The following PRORP variants were observed in gnomAD, a reference collection of about 807,000 sequenced individuals.
PRORP encodes mitochondrial ribonuclease P catalytic subunit.
In PRORP, 51 loss-of-function variants were observed where a neutral mutation model predicts 59.4. That is an observed-to-expected ratio of 0.86 (90% CI 0.69 to 1.08). The LOEUF (loss-of-function observed/expected upper bound fraction) is 1.08, where lower values mean the gene tolerates loss of function less well. Among genes scored for constraint, PRORP ranks in the 50% least tolerant of loss-of-function variants. PRORP has a pLI of 0.00. For synonymous variants in PRORP, 231 were observed against 245.6 expected (o/e 0.94, Z 0.55); for missense variants, 646 against 690.3 (o/e 0.94, Z 0.72).
At chr14:35,169,005 C>A (rs1235483778) in intron 4 of PRORP, among the ~76,000 whole-genome samples, 1 of 149,986 alleles carries the variant, frequency 6.7e-6, no homozygotes, top group Non-Finnish European at 1.5e-5. Context: ...TATTATTATT[C>A]TACTTTCTTT....
intron 4 of PRORP, chr14:35,158,614 G>C (rs1197143227): frequency 8.7e-6 from 3 of 346,378 alleles, no homozygotes; most frequent in South Asian, 3.2e-5. Flanking sequence ...CCGGCACCCT[G>C]TTATCAGGCA....
chr14:35,240,804 A>G (rs530890000), intron 5 of PRORP, among the ~76,000 whole-genome samples: 7 of 152,286 alleles, frequency 4.6e-5, no homozygotes, highest in African/African-American at 1.2e-4. Flanking sequence ...GCATTATCCA[A>G]TATGGTAGCT....
chr14:35,190,333 G>GGTT (rs1223952278), intron 5 of PRORP, among the ~76,000 whole-genome samples: 1 of 151,624 alleles, frequency 6.6e-6, no homozygotes, highest in African/African-American at 2.4e-5. Flanking sequence ...AGGAGGCAGA[G>GGTT]GTTGCAGTGA....
At chr14:35,127,235 A>G (rs78537249) in intron 3 of PRORP, among the ~76,000 whole-genome samples, 1 of 152,062 alleles carries the variant, frequency 6.6e-6, no homozygotes, top group Non-Finnish European at 1.5e-5. Context: ...CACTAAAAAT[A>G]CAAGACCCTG....
intron 5 of PRORP, among the ~76,000 whole-genome samples, chr14:35,260,943 C>T (rs1404549666): frequency 6.6e-6 from 1 of 152,174 alleles, no homozygotes; most frequent in Non-Finnish European, 1.5e-5. Context: ...CTTGACCTCC[C>T]AAAGTGCTAG....
At chr14:35,203,085 G>T (rs2049198515) in intron 5 of PRORP, among the ~76,000 whole-genome samples, 1 of 151,996 alleles carries the variant, frequency 6.6e-6, no homozygotes, top group African/African-American at 2.4e-5. Flanking sequence ...AAATAATAAA[G>T]GTTTATTTTT....
At chr14:35,183,754 G>A (rs1172679154) in intron 5 of PRORP, among the ~76,000 whole-genome samples, 3 of 152,134 alleles carry the variant, frequency 2.0e-5, no homozygotes, top group Non-Finnish European at 4.4e-5. Context: ...CTTATTACAT[G>A]ATTGTTTCAG....
At position 35,123,979 on chromosome 14, in the gene PRORP, AGAACTATAAT is replaced by A; in HGVS notation, c.737_746del (p.Asn246ThrfsTer12). ...AAAAAAGTTATAACTCCTTCAAAAAAGAACTATAATGACTGTATCCAGGGAGCTCTCCTTC... is the reference window on the plus strand; with the variant it reads ...AAAAAAGTTATAACTCCTTCAAAAAAGACTGTATCCAGGGAGCTCTCCTTC... On this transcript the variant is annotated frameshift_variant, in exon 2 of 8. Transcript: ENST00000534898. LOFTEE classifies it high-confidence loss of function. 1 of 1,614,198 alleles carries A rather than the reference AGAACTATAAT, an allele frequency of 6.2e-7. No individual in the cohort carries two copies. The highest frequency in any genetic ancestry group is 8.5e-7 in the Non-Finnish European group (1 of 1,180,032).
intron 5 of PRORP, among the ~76,000 whole-genome samples, chr14:35,232,154 T>C (rs2050096840): frequency 6.6e-6 from 1 of 152,168 alleles, no homozygotes; most frequent in Non-Finnish European, 1.5e-5. Context: ...ATATCTTTTA[T>C]TCTGACTTCC....
intron 7 of PRORP, among the ~76,000 whole-genome samples, chr14:35,271,894 C>T (rs1186542511): frequency 6.6e-6 from 1 of 152,086 alleles, no homozygotes; most frequent in African/African-American, 2.4e-5. Flanking sequence ...GGCGTGGTGG[C>T]GTGTGCCTAT....
intron 5 of PRORP, among the ~76,000 whole-genome samples, chr14:35,258,911 A>C (rs541476275): frequency 1.1e-4 from 16 of 152,310 alleles, no homozygotes; most frequent in African/African-American, 3.8e-4. Flanking sequence ...CTTTCTTTTC[A>C]AAATTGTTTT....
At chr14:35,218,459 T>TTTA (rs1555329355) in intron 5 of PRORP, among the ~76,000 whole-genome samples, 8 of 44,776 alleles carry the variant, frequency 1.8e-4, no homozygotes, top group African/African-American at 7.3e-4. Flanking sequence ...AGATCCTGTC[T>TTTA]AAAAAAAGAA....
intron 4 of PRORP, among the ~76,000 whole-genome samples, chr14:35,129,307 G>C (rs372413980): frequency 6.6e-6 from 1 of 152,038 alleles, no homozygotes. Flanking sequence ...ACCGTGCCTA[G>C]ATACATTTAA....
chr14:35,188,842 G>A (rs1056162612), intron 5 of PRORP, among the ~76,000 whole-genome samples: 6 of 151,444 alleles, frequency 4.0e-5, no homozygotes, highest in Admixed American at 2.0e-4. Flanking sequence ...TGGGTGTGGT[G>A]GTGGGTGCCT....
At chr14:35,187,683 G>A (rs907201468) in intron 5 of PRORP, among the ~76,000 whole-genome samples, 3 of 151,930 alleles carry the variant, frequency 2.0e-5, no homozygotes, top group Non-Finnish European at 4.4e-5. Flanking sequence ...GCCTGCCTTG[G>A]CCTTCCAAAG....
At chr14:35,179,123 T>C (rs1371361691) in intron 4 of PRORP, among the ~76,000 whole-genome samples, 2 of 152,264 alleles carry the variant, frequency 1.3e-5, no homozygotes, top group Admixed American at 6.5e-5. Flanking sequence ...GTTAGTCTGA[T>C]GGGCTTCCCT....
At chr14:35,201,678 T>C (rs2049153668) in intron 5 of PRORP, among the ~76,000 whole-genome samples, 1 of 151,840 alleles carries the variant, frequency 6.6e-6, no homozygotes, top group Non-Finnish European at 1.5e-5. Context: ...GTCTCACTCT[T>C]ATCACCCAGG....
intron 5 of PRORP, among the ~76,000 whole-genome samples, chr14:35,218,493 CAAAA>C (rs2049674864): frequency 2.3e-5 from 2 of 85,436 alleles, no homozygotes; most frequent in African/African-American, 8.4e-5. Context: ...AAACCAACAA[CAAAA>C]CACAACAGAA....
At chr14:35,162,967 G>T (rs1233127802) in intron 4 of PRORP, among the ~76,000 whole-genome samples, 1 of 151,910 alleles carries the variant, frequency 6.6e-6, no homozygotes, top group Non-Finnish European at 1.5e-5. Context: ...GTCTCTTTTT[G>T]GACTTTCTGT....
Sources: allele counts gnomAD v4.1 joint callset (sites outside exome capture counted in the v4.1 genomes callset), GRCh38; gene constraint gnomAD v4.1.1; transcripts MANE v1.5; gene names NCBI Gene and HGNC (gene_info 2026-07-23, HGNC 2026-07-21).